Variants in IQSEC1 observed in about 807,000 individuals in gnomAD.
IQSEC1 encodes IQ motif and SEC7 domain-containing protein 1.
Under a neutral mutation model 91.0 loss-of-function variants are expected in IQSEC1, and 31 were observed. The observed-to-expected ratio is 0.34, with a 90% CI of 0.26 to 0.46. The LOEUF (loss-of-function observed/expected upper bound fraction) is 0.46. Ranked by LOEUF, IQSEC1 falls within the 20% of genes least tolerant of loss-of-function variation. The pLI, the probability that IQSEC1 is intolerant of heterozygous loss-of-function variation, is 1.00. For synonymous variants in IQSEC1, 699 were observed against 662.6 expected, an observed-to-expected ratio of 1.05 and a Z score of -0.84; for missense variants, 1,388 against 1,575.6, an observed-to-expected ratio of 0.88 and a Z score of 2.02.
chr3:13,091,012 G>T lies in IQSEC1; in HGVS notation c.303-43490C>A, dbSNP rs372997304. Among the ~76,000 whole-genome samples, 79 of 152,288 alleles carry T rather than the reference G, an allele frequency of 5.2e-4. No individual in the cohort carries two copies. In the South Asian group the frequency reaches 0.016, roughly 30 times the overall value. ...AGGAAGATTAATTTGGATTTGGCTG[G>T]CCTGGCCTCCTCCTCACCGCCCACA... is the stretch of plus-strand genomic sequence containing the variant. On this transcript the variant is annotated intron_variant, in intron 2 of 15. Coordinates refer to the IQSEC1 transcript ENST00000648114.
intron 3 of IQSEC1, among the ~76,000 whole-genome samples, chr3:12,925,987 C>T (rs913955021): frequency 6.6e-6 from 1 of 152,188 alleles, no homozygotes; most frequent in African/African-American, 2.4e-5. Flanking sequence ...TCTTGCTTGG[C>T]TGACCTGGCA....
Position 12,908,655 on chromosome 3 carries a change from G to T in IQSEC1, c.2579-130C>A. On this transcript the variant is annotated intron_variant, in intron 11 of 13. Coordinates refer to ENST00000613206, the MANE Select transcript of IQSEC1 (RefSeq NM_001134382.3). The surrounding 1 kb of genome is among the most constrained non-coding windows in gnomAD (Gnocchi z 4.9). Reference sequence around the variant, plus strand: ...CTTGGAATGGGGAAGGGTTGTTTCTGGGAAAGAGGGTGTGATGGCCACCCT... The same window carrying T: ...CTTGGAATGGGGAAGGGTTGTTTCTTGGAAAGAGGGTGTGATGGCCACCCT... 9.9e-7 allele frequency: 1 copy of T among 1,010,276 alleles called. No individual in the cohort carries two copies. The allele number at this position is 1,010,276 out of a possible 1,614,324, so 62.6% of individuals were successfully genotyped here. A position where few individuals can be genotyped will look rare whatever the true frequency, so the allele number is the denominator to read the frequency against.
intron 1 of IQSEC1, among the ~76,000 whole-genome samples, chr3:13,220,452 G>T (rs1694636636): frequency 6.6e-6 from 1 of 152,232 alleles, no homozygotes; most frequent in South Asian, 2.1e-4. Context: ...CCCACAAGGG[G>T]CTTCTCCCGC....
chr3:13,127,897 G>T (rs1706544735), intron 2 of IQSEC1, among the ~76,000 whole-genome samples: 1 of 152,170 alleles, frequency 6.6e-6, no homozygotes, highest in Admixed American at 6.5e-5. Context: ...GATTTATGCA[G>T]AAGAATCTAA....
chr3:12,924,730 C>A lies in IQSEC1; in HGVS notation c.1581G>T (p.Lys527Asn). 6.3e-7 allele frequency: 1 copy of A among 1,577,436 alleles called. No homozygotes were observed. The highest frequency in any genetic ancestry group is 1.1e-5 in the South Asian group (1 of 87,350). Residue 527 changes from lysine to asparagine, a missense_variant, in exon 4 of 14, where the codon AAG (lysine) becomes AAT (asparagine). Physicochemically the swap from Lys to Asn is moderately conservative, Grantham distance 94. Transcript: ENST00000613206. The surrounding 1 kb of genome is among the most constrained non-coding windows in gnomAD (Gnocchi z 6.3). ...CACGCTCGATGAGGTACTGGACTCC[C>A]TTCTCAGGCTTCCTGGGGTAGGACG... ...GLNLFNKKPE[K>N]GVQYLIERGF...
At chr3:12,911,085 C>T (rs1485288076) in intron 10 of IQSEC1, among the ~76,000 whole-genome samples, 1 of 152,230 alleles carries the variant, frequency 6.6e-6, no homozygotes, top group African/African-American at 2.4e-5. Flanking sequence ...TCAAAATTAA[C>T]CCTTGCAAAG....
intron 2 of IQSEC1, among the ~76,000 whole-genome samples, chr3:13,092,574 G>T (rs1299643232): frequency 6.6e-6 from 1 of 152,144 alleles, no homozygotes; most frequent in African/African-American, 2.4e-5. Flanking sequence ...AGCAGCGCGT[G>T]CCTGGGTGCT....
chr3:12,922,689 G>A lies in IQSEC1; in HGVS notation c.1731-447C>T, dbSNP rs949843361. 6.6e-6 allele frequency among the ~76,000 whole-genome samples: 1 copy of A among 152,172 alleles called. No individual in the cohort carries two copies. ...GGGTGTTGACTTTCAGAATAAGCCT[G>A]TTCTCTTGTGGGGAGAGTATCGGGG... On this transcript the variant is annotated intron_variant, in intron 4 of 13. Coordinates refer to ENST00000613206, the MANE Select transcript of IQSEC1 (RefSeq NM_001134382.3). The surrounding 1 kb of genome is among the most constrained non-coding windows in gnomAD (Gnocchi z 5.1).
chr3:13,141,732 T>A lies in IQSEC1; in HGVS notation c.302+22372A>T, dbSNP rs766835945. Among the ~76,000 whole-genome samples the A allele has an allele frequency of 2.9e-3, 449 of 152,308 alleles. 1 individual carries two copies. The highest frequency in any genetic ancestry group is 6.7e-3 in the Admixed American group (102 of 15,298). ...CCTACATATCAGGGGTCTGTGTTCT[T>A]CCTGGGAAATGCTGCCAATTTCAGG... On this transcript the variant is annotated intron_variant, in intron 2 of 15. Transcript: ENST00000648114.
At chr3:13,017,750 G>A (rs1703206676) in intron 1 of IQSEC1, among the ~76,000 whole-genome samples, 1 of 152,182 alleles carries the variant, frequency 6.6e-6, no homozygotes, top group African/African-American at 2.4e-5. Flanking sequence ...GGAGAGGGAG[G>A]TGAGGCTGGC....
chr3:13,235,625 G>A (rs777864408), intron 1 of IQSEC1, among the ~76,000 whole-genome samples: 12 of 152,306 alleles, frequency 7.9e-5, no homozygotes, highest in Admixed American at 2.0e-4. Flanking sequence ...CATCACTCCC[G>A]CTGCCTGTGG....
At chr3:13,026,171 C>T (rs991082359) in intron 1 of IQSEC1, among the ~76,000 whole-genome samples, 2 of 152,228 alleles carry the variant, frequency 1.3e-5, no homozygotes, top group African/African-American at 4.8e-5. Context: ...CTGTGCCCCT[C>T]GGCAGCCACA....
chr3:12,961,231 G>A (rs1700224074), intron 1 of IQSEC1, among the ~76,000 whole-genome samples: 1 of 152,230 alleles, frequency 6.6e-6, no homozygotes. Flanking sequence ...CCAGCTGAGG[G>A]CTCCAGACGC....
intron 1 of IQSEC1, among the ~76,000 whole-genome samples, chr3:13,262,054 C>T (rs987664162): frequency 1.3e-4 from 20 of 152,196 alleles, no homozygotes; most frequent in African/African-American, 4.8e-4. Flanking sequence ...GAACAAGCAC[C>T]TTTTCCTGTG....
chr3:12,903,098 G>A (rs963109045), intron 12 of IQSEC1, among the ~76,000 whole-genome samples: 3 of 152,190 alleles, frequency 2.0e-5, no homozygotes, highest in African/African-American at 7.2e-5. Context: ...ACTCCTCCTG[G>A]ACCAGGAGTC....
rs150376462 is a variant in IQSEC1, at chr3:13,258,252, A to G, written c.272+24459T>C. ...ATGTGCCACACTAATGCAAGATAAT[A>G]ATGGAGGGAACAGGGACGGCAGGAG... On this transcript the variant is annotated intron_variant, in intron 1 of 15. Transcript: ENST00000648114. Among the ~76,000 whole-genome samples, 338 of 152,348 alleles carry G rather than the reference A, an allele frequency of 2.2e-3. 3 individuals carry two copies. The highest frequency in any genetic ancestry group is 7.7e-3 in the African/African-American group (320 of 41,574).
At chr3:13,177,340 C>A (rs80087115) in intron 1 of IQSEC1, among the ~76,000 whole-genome samples, 7,569 of 152,324 alleles carry the variant, frequency 0.05, 268 homozygotes, top group Middle Eastern at 0.092. Flanking sequence ...GCCCTGCCAC[C>A]CCCACCCCAT....
chr3:13,087,096 C>G (rs1329018974), intron 2 of IQSEC1, among the ~76,000 whole-genome samples: 1 of 152,204 alleles, frequency 6.6e-6, no homozygotes, highest in African/African-American at 2.4e-5. Context: ...ATTTCACATG[C>G]CACACCCTTT....
At chr3:13,055,865 G>C (rs1704860489) in intron 1 of IQSEC1, among the ~76,000 whole-genome samples, 1 of 152,056 alleles carries the variant, frequency 6.6e-6, no homozygotes, top group Non-Finnish European at 1.5e-5. Context: ...GTCCAGGCCC[G>C]GGGTGGGGCA....
Sources: gnomAD v4.1 joint callset for allele counts (sites outside exome capture counted in the v4.1 genomes callset) on GRCh38, gnomAD v4.1.1 for gene constraint, Gnocchi (gnomAD v3.1) non-coding constraint, MANE v1.5 for transcripts, NCBI Gene and HGNC (gene_info 2026-07-23, HGNC 2026-07-21) for gene names.